ARHGAP21: variants seen among roughly 807,000 people sequenced by gnomAD.
ARHGAP21 encodes the protein Rho GTPase activating protein 21, also known as rho GTPase-activating protein 21.
A neutral mutation model predicts 164.6 loss-of-function variants in ARHGAP21; 38 were observed. The ratio of observed to expected loss-of-function variants is 0.23; its 90% CI spans 0.18 to 0.30. The LOEUF is 0.30. ARHGAP21 is among the 10% of genes least tolerant of loss of function. The probability of loss-of-function intolerance (pLI) is 1.00; values close to 1 mark genes in which losing one functional copy is unlikely to be tolerated. For synonymous variants in ARHGAP21, 766 were observed against 857.9 expected, an observed-to-expected ratio of 0.89 and a Z score of 1.87; for missense variants, 1,822 against 2,370.7, an observed-to-expected ratio of 0.77 and a Z score of 4.81.
At chr10:24,656,132 G>A (rs1340076893) in intron 4 of ARHGAP21, among the ~76,000 whole-genome samples, 4 of 142,810 alleles carry the variant, frequency 2.8e-5, no homozygotes, top group South Asian at 2.2e-4. Flanking sequence ...GAGTGTCTCC[G>A]CCCGGCAGCC....
intron 24 of ARHGAP21, chr10:24,590,171 A>G: frequency 7.1e-7 from 1 of 1,405,016 alleles, no homozygotes; most frequent in Non-Finnish European, 9.2e-7. Flanking sequence ...CACATGGCTA[A>G]ATGCTTTATG....
rs567666047 is a variant in ARHGAP21, at chr10:24,618,813, G to A, written c.2422+660C>T. On this transcript the variant is annotated intron_variant, in intron 9 of 25. Coordinates refer to ENST00000396432, the MANE Select transcript of ARHGAP21 (RefSeq NM_020824.4). ...CTATTTTGGGTGAGATGAATGGGAA[G>A]GAAACAGAGGGTTCTGCACAGAGGA... Among the ~76,000 whole-genome samples the A allele has an allele frequency of 7.0e-4, 107 of 152,234 alleles. No homozygotes were observed. The Middle Eastern group carries it at 0.01, about 15-fold the overall frequency.
intron 25 of ARHGAP21, 31 bp from the exon 26 acceptor site, chr10:24,586,137 G>C: frequency 3.3e-6 from 5 of 1,529,996 alleles, no homozygotes; most frequent in Non-Finnish European, 4.4e-6. Context: ...AAGACTCTGA[G>C]CATAAGAATG....
At position 24,719,805 on chromosome 10, in the gene ARHGAP21, A is replaced by G. The variant is rs140040105; in HGVS notation, c.63+2032T>C. On this transcript the variant is annotated intron_variant, in intron 2 of 25. Coordinates refer to ENST00000396432, the MANE Select transcript of ARHGAP21 (RefSeq NM_020824.4). ...ATATTCACAAGATTTAATGTGTATCAGAAGCATCAATCACAGATTAAAACA... is the reference window on the plus strand; with the variant it reads ...ATATTCACAAGATTTAATGTGTATCGGAAGCATCAATCACAGATTAAAACA... 5.0e-3 allele frequency among the ~76,000 whole-genome samples: 765 copies of G among 152,338 alleles called. 6 individuals are homozygous for G. The highest frequency in any genetic ancestry group is 0.018 in the African/African-American group (741 of 41,586).
intron 7 of ARHGAP21, chr10:24,628,894 C>A (rs1369198570): frequency 1.1e-5 from 1 of 87,014 alleles, no homozygotes; most frequent in Non-Finnish European, 2.2e-5. Context: ...CATATATATA[C>A]ATACATATAT....
intron 2 of ARHGAP21, among the ~76,000 whole-genome samples, chr10:24,707,166 G>A (rs1426766404): frequency 6.6e-6 from 1 of 152,124 alleles, no homozygotes; most frequent in Non-Finnish European, 1.5e-5. Flanking sequence ...TTACTTCTTT[G>A]CAAAAGGCAA....
rs562454636 is a variant in ARHGAP21 at position 24,627,699 on chromosome 10, T to G, written c.495+2297A>C. Among the ~76,000 whole-genome samples the G allele has an allele frequency of 3.8e-3, 576 of 152,358 alleles. 4 individuals are homozygous for G. The highest frequency in any genetic ancestry group is 6.6e-3 in the Non-Finnish European group (447 of 68,030). ...ACTTTAGATTTACTTAAATAAAATT[T>G]AACAAGACAGACTATTCTAGAATAT... On this transcript the variant is annotated intron_variant, in intron 7 of 25. Transcript: ENST00000396432.
intron 4 of ARHGAP21, among the ~76,000 whole-genome samples, chr10:24,662,485 T>A (rs1453615373): frequency 6.6e-6 from 1 of 152,074 alleles, no homozygotes; most frequent in Non-Finnish European, 1.5e-5. Context: ...AGGGTTAGAG[T>A]GAGGATTAAA....
chr10:24,723,073 C>G (rs1293946747), intron 1 of ARHGAP21: 2 of 151,990 alleles, frequency 1.3e-5, no homozygotes, highest in East Asian at 3.9e-4. Flanking sequence ...TCGGGGACCT[C>G]GAGCTCCCGA....
At position 24,620,090 on chromosome 10, in the gene ARHGAP21, G is replaced by A; in HGVS notation, c.1805C>T (p.Thr602Ile). Residue 602 changes from threonine (T) to isoleucine (I), a missense_variant, in exon 9 of 26, where the codon ACT (threonine) becomes ATT (isoleucine). Around this residue, in one of 5 missense-constraint regions of ARHGAP21, gnomAD observed 1,090 missense variants for 1,378.9 expected, o/e 0.79. Coordinates refer to ENST00000396432, the MANE Select transcript of ARHGAP21 (RefSeq NM_020824.4). ...ACCCCGAGGCAGTGACATTCCACAAGTAGTCTGAAAATTTCTGTTTGACTG... is the reference window on the plus strand; with the variant it reads ...ACCCCGAGGCAGTGACATTCCACAAATAGTCTGAAAATTTCTGTTTGACTG... ...TLQSNRNFQT[T>I]CGMSLPRGIS... 6.2e-7 allele frequency: 1 copy of A among 1,613,970 alleles called. No homozygotes were observed. Among genetic ancestry groups the A allele is most frequent in the South Asian group, 1.1e-5 (1 of 91,070 alleles).
At chr10:24,662,218 C>T (rs1445566936) in intron 4 of ARHGAP21, among the ~76,000 whole-genome samples, 1 of 152,170 alleles carries the variant, frequency 6.6e-6, no homozygotes, top group Non-Finnish European at 1.5e-5. Flanking sequence ...TATTTATCTT[C>T]TAATTCTTAA....
chr10:24,653,567 T>C (rs1838439243), intron 4 of ARHGAP21, among the ~76,000 whole-genome samples: 1 of 151,142 alleles, frequency 6.6e-6, no homozygotes, highest in Non-Finnish European at 1.5e-5. Flanking sequence ...AGAGAGACTC[T>C]GTCTCAAAAA....
chr10:24,673,961 C>A (rs1478699880), intron 2 of ARHGAP21, among the ~76,000 whole-genome samples: 2 of 152,174 alleles, frequency 1.3e-5, no homozygotes, highest in Non-Finnish European at 2.9e-5. Flanking sequence ...GAACTTAGGT[C>A]AAGATTTCTT....
intron 2 of ARHGAP21, among the ~76,000 whole-genome samples, chr10:24,705,315 A>AT (rs1844124281): frequency 6.6e-6 from 1 of 152,158 alleles, no homozygotes; most frequent in Admixed American, 6.6e-5. Context: ...CAAAATCCAT[A>AT]TTTTTTACGG....
At chr10:24,594,244 C>CA (rs2076475775) in intron 21 of ARHGAP21, among the ~76,000 whole-genome samples, 1 of 152,070 alleles carries the variant, frequency 6.6e-6, no homozygotes, top group African/African-American at 2.4e-5. Flanking sequence ...CAATAATCAT[C>CA]AAAAAACTAA....
chr10:24,701,019 A>G (rs560560213), intron 2 of ARHGAP21, among the ~76,000 whole-genome samples: 1 of 152,268 alleles, frequency 6.6e-6, no homozygotes, highest in South Asian at 2.1e-4. Flanking sequence ...CCTATTTCCA[A>G]TTTCCTAGCT....
At chr10:24,633,501 A>G (rs776571116) in intron 5 of ARHGAP21, 21 bp from the exon 6 acceptor site, 2 of 1,556,406 alleles carry the variant, frequency 1.3e-6, no homozygotes, top group South Asian at 1.1e-5. Flanking sequence ...AAGTTAAAAA[A>G]CAAATGAGAG....
chr10:24,656,940 G>GGC, intron 4 of ARHGAP21, among the ~76,000 whole-genome samples: 1 of 122,906 alleles, frequency 8.1e-6, no homozygotes, highest in African/African-American at 3.1e-5. Flanking sequence ...GAGGGAGGTG[G>GGC]GGGGGGGGTC....
In ARHGAP21 at chr10:24,670,305, C is replaced by A; in HGVS notation, c.156G>T (p.Thr52=). ...TFSWPGPKTV[T]LKRTSQGFGF... Reference sequence around the variant, plus strand: ...CAAAGCCTTGAGATGTTCTTTTCAACGTAACTGTTTTGGGACCTGGCCAGG... The same window carrying A: ...CAAAGCCTTGAGATGTTCTTTTCAAAGTAACTGTTTTGGGACCTGGCCAGG... The change falls in exon 3 of 26, where the codon ACG becomes ACT. Residue 52 remains threonine, a synonymous_variant. Coordinates refer to ENST00000396432, the MANE Select transcript of ARHGAP21 (RefSeq NM_020824.4). 1.2e-6 allele frequency: 2 copies of A among 1,608,666 alleles called. No individual in the cohort carries two copies. Among genetic ancestry groups the A allele is most frequent in the Non-Finnish European group, 1.7e-6 (2 of 1,177,076 alleles).
Sources: allele counts gnomAD v4.1 joint callset (sites outside exome capture counted in the v4.1 genomes callset), GRCh38; gene constraint gnomAD v4.1.1; regional missense constraint gnomAD v4.1.1; transcripts MANE v1.5; gene names NCBI Gene and HGNC (gene_info 2026-07-23, HGNC 2026-07-21).